The following CNTLN variants were observed in gnomAD, a reference collection of about 807,000 sequenced individuals.
CNTLN encodes the protein centlein, centrosomal protein.
Under a neutral mutation model 180.0 loss-of-function variants are expected in CNTLN, and 212 were observed. That is an observed-to-expected ratio of 1.18 (90% CI 1.05 to 1.32). The LOEUF (loss-of-function observed/expected upper bound fraction) is 1.32, where lower values mean the gene tolerates loss of function less well. Among genes scored for constraint, CNTLN ranks in the 40% most tolerant of loss-of-function variants. The pLI, the probability that CNTLN is intolerant of heterozygous loss-of-function variation, is 0.00. For missense variants in CNTLN, 2,095 were observed against 1,610.9 expected, an observed-to-expected ratio of 1.30 and a Z score of -5.14; for synonymous variants, 722 against 563.1, an observed-to-expected ratio of 1.28 and a Z score of -3.99.
chr9:17,478,588 G>A (rs1832478023), intron 23 of CNTLN, among the ~76,000 whole-genome samples: 1 of 151,564 alleles, frequency 6.6e-6, no homozygotes. Context: ...CCCGACTCCT[G>A]GACTCAAGCG....
At chr9:17,475,173 C>T (rs2134259061) in intron 23 of CNTLN, among the ~76,000 whole-genome samples, 1 of 152,072 alleles carries the variant, frequency 6.6e-6, no homozygotes, top group Non-Finnish European at 1.5e-5. Context: ...GTCTCTTTGC[C>T]CTGTCAAATT....
chr9:17,505,080 C>T (rs1036707209), downstream of CNTLN, among the ~76,000 whole-genome samples: 1 of 151,908 alleles, frequency 6.6e-6, no homozygotes, highest in Non-Finnish European at 1.5e-5. Flanking sequence ...GCTAAAAATA[C>T]CCCACAATCA....
In CNTLN at chr9:17,397,380, A is replaced by G. The variant is rs1165013409; in HGVS notation, c.2615+2311A>G. 2.6e-5 allele frequency among the ~76,000 whole-genome samples: 4 copies of G among 152,200 alleles called. No individual in the cohort carries two copies. The South Asian group carries it at 6.2e-4, about 24-fold the overall frequency. On this transcript the variant is annotated intron_variant, in intron 15 of 25. Transcript: ENST00000380647. ...CCATTTTTATGGTTATTTCCTGACT[A>G]TAGGCTAAACAAGGAGTGGATTATT...
intron 6 of CNTLN, among the ~76,000 whole-genome samples, chr9:17,294,452 G>A (rs187787624): frequency 6.6e-6 from 1 of 151,744 alleles, no homozygotes; most frequent in African/African-American, 2.4e-5. Flanking sequence ...TAGATACAGA[G>A]TGCTGATTGG....
At chr9:17,171,421 C>T (rs759652216) in intron 2 of CNTLN, among the ~76,000 whole-genome samples, 3 of 152,182 alleles carry the variant, frequency 2.0e-5, no homozygotes, top group Non-Finnish European at 2.9e-5. Flanking sequence ...GCAGTTTTGT[C>T]AGCTGAAGTC....
At chr9:17,469,503 T>C (rs1831938101) in intron 23 of CNTLN, among the ~76,000 whole-genome samples, 1 of 151,788 alleles carries the variant, frequency 6.6e-6, no homozygotes, top group South Asian at 2.1e-4. Context: ...CATATGGCCC[T>C]AGGTCTAGGC....
intron 24 of CNTLN, among the ~76,000 whole-genome samples, chr9:17,484,909 T>A (rs1394182207): frequency 3.9e-5 from 6 of 152,194 alleles, no homozygotes; most frequent in Non-Finnish European, 8.8e-5. Context: ...CATAGCTAAA[T>A]TCAAAATTAT....
the CNTLN span, among the ~76,000 whole-genome samples, chr9:17,511,412 T>C: frequency 6.6e-6 from 1 of 152,208 alleles, no homozygotes; most frequent in Non-Finnish European, 1.5e-5. Context: ...ATCAAGAATC[T>C]GGGTCCTCTG....
At position 17,177,212 on chromosome 9, in the gene CNTLN, A is replaced by G. The variant is rs1311784422; in HGVS notation, c.449+33836A>G. On this transcript the variant is annotated intron_variant, in intron 2 of 25. Transcript: ENST00000380647. ...ATCACGAGGTCAGGAGACCGAGACTATCTTGGCTAACATGGTGAAACCCCG... is the reference window on the plus strand; with the variant it reads ...ATCACGAGGTCAGGAGACCGAGACTGTCTTGGCTAACATGGTGAAACCCCG... Among the ~76,000 whole-genome samples, 9 of 152,222 alleles carry G rather than the reference A, an allele frequency of 5.9e-5. No individual in the cohort carries two copies. The East Asian group carries it at 1.7e-3, about 29-fold the overall frequency.
chr9:17,142,911 A>G (rs1192632095), intron 1 of CNTLN, among the ~76,000 whole-genome samples: 1 of 152,214 alleles, frequency 6.6e-6, no homozygotes, highest in Non-Finnish European at 1.5e-5. Context: ...ACTAGGAAGC[A>G]TTATAGAGTG....
chr9:17,240,890 GCT>G (rs1554666116), intron 5 of CNTLN, among the ~76,000 whole-genome samples: 3 of 151,726 alleles, frequency 2.0e-5, no homozygotes, highest in Non-Finnish European at 4.4e-5. Flanking sequence ...GTGGAGTCTC[GCT>G]CTGTCACCCA....
chr9:17,144,295 A>G (rs1214877077), intron 2 of CNTLN, among the ~76,000 whole-genome samples: 1 of 152,178 alleles, frequency 6.6e-6, no homozygotes, highest in Non-Finnish European at 1.5e-5. Flanking sequence ...TGTTGCTTGT[A>G]CGTCTAATTC....
chr9:17,224,284 C>T (rs1210720882), intron 2 of CNTLN, among the ~76,000 whole-genome samples: 1 of 151,990 alleles, frequency 6.6e-6, no homozygotes, highest in Admixed American at 6.6e-5. Context: ...TATCTCTAGT[C>T]CCTAGTCCAA....
intron 18 of CNTLN, among the ~76,000 whole-genome samples, chr9:17,426,165 C>T (rs1261319293): frequency 6.6e-6 from 1 of 152,158 alleles, no homozygotes; most frequent in Non-Finnish European, 1.5e-5. Flanking sequence ...GGAAAGCTGT[C>T]AAACTTCTTG....
chr9:17,255,966 T>G (rs1250400371), intron 5 of CNTLN, among the ~76,000 whole-genome samples: 1 of 151,932 alleles, frequency 6.6e-6, no homozygotes, highest in Non-Finnish European at 1.5e-5. Context: ...AATACAGATT[T>G]TTTAGAATAC....
At chr9:17,501,870 A>G (rs761536316) in intron 25 of CNTLN, among the ~76,000 whole-genome samples, 28 of 152,342 alleles carry the variant, frequency 1.8e-4, no homozygotes, top group East Asian at 5.8e-4. Flanking sequence ...CTATAACTGT[A>G]TAACTGTATT....
chr9:17,303,246 C>T (rs1231841875), intron 7 of CNTLN, among the ~76,000 whole-genome samples: 1 of 152,098 alleles, frequency 6.6e-6, no homozygotes, highest in East Asian at 1.9e-4. Flanking sequence ...AGGTCTTATC[C>T]CTAAAAGCCT....
intron 12 of CNTLN, among the ~76,000 whole-genome samples, chr9:17,359,239 A>C (rs1329120890): frequency 1.3e-5 from 2 of 151,938 alleles, no homozygotes. Flanking sequence ...GGCTGGTCTC[A>C]AACTCCTGAG....
At chr9:17,328,354 C>T (rs976112860) in intron 8 of CNTLN, among the ~76,000 whole-genome samples, 1 of 152,108 alleles carries the variant, frequency 6.6e-6, no homozygotes, top group Non-Finnish European at 1.5e-5. Flanking sequence ...AAAATTTGGA[C>T]ACTCTCCTTA....
Sources: allele counts gnomAD v4.1 joint callset (sites outside exome capture counted in the v4.1 genomes callset), GRCh38; gene constraint gnomAD v4.1.1; transcripts MANE v1.5; gene names NCBI Gene and HGNC (gene_info 2026-07-23, HGNC 2026-07-21).